NOS3: variants seen among roughly 807,000 people sequenced by gnomAD.
The protein encoded by NOS3 is NOS type III.
A neutral mutation model predicts 144.9 loss-of-function variants in NOS3; 98 were observed. The observed-to-expected ratio is 0.68, with a 90% CI of 0.57 to 0.80. NOS3 has a LOEUF of 0.80. Among genes scored for constraint, NOS3 ranks in the 30% least tolerant of loss-of-function variants. The pLI is 0.00. For missense variants in NOS3, 1,465 were observed against 1,656.4 expected (o/e 0.88, Z 2.01); for synonymous variants, 714 against 702.4 (o/e 1.02, Z -0.26).
chr7:150,997,583 C>G lies in NOS3; in HGVS notation c.582+658C>G, dbSNP rs369951561. On this transcript the variant is annotated intron_variant, in intron 5 of 26. Coordinates refer to ENST00000297494, the MANE Select transcript of NOS3 (RefSeq NM_000603.5). ...AGCTGCCCCATGGGGGACTTGGTCC[C>G]ATGGCCTTGGCCTCCTTCACCATCA... is the stretch of plus-strand genomic sequence containing the variant. Among the ~76,000 whole-genome samples the G allele has an allele frequency of 8.3e-4, 126 of 152,344 alleles. 3 individuals carry two copies. The South Asian group carries it at 0.024, about 30-fold the overall frequency.
rs2117134857 is a variant in NOS3, at chr7:151,010,900, T to C, written c.2898T>C (p.Asp966=). ...CCGGCCTCTCCTTCCCACCCCCAGA[T>C]GGGCTGGGCCCCCTGCACTATGGAG... The part of the protein sequence containing the change: ...TVAVLAYRTQ[D]GLGPLHYGVC... Residue 966 remains aspartate (D), a splice_region_variant and synonymous_variant, in exon 23 of 27, where the codon GAT becomes GAC. Coordinates refer to ENST00000297494, the MANE Select transcript of NOS3 (RefSeq NM_000603.5). The C allele has an allele frequency of 1.2e-6, 2 of 1,613,240 alleles. No individual in the cohort carries two copies. The highest frequency in any genetic ancestry group is 4.5e-5 in the East Asian group (2 of 44,872).
chr7:151,012,922 G>C, intron 24 of NOS3: 1 of 423,656 alleles, frequency 2.4e-6, no homozygotes, highest in Non-Finnish European at 4.2e-6. Context: ...TATGAAGTGG[G>C]AGCGGGGAAG....
rs774879688 is a variant in NOS3 at position 151,012,390 on chromosome 7, C to G, written c.3024C>G (p.Pro1008=). Residue 1008 remains proline, a synonymous_variant, in exon 24 of 27, where the codon CCC becomes CCG. Coordinates refer to ENST00000297494, the MANE Select transcript of NOS3 (RefSeq NM_000603.5). ...SFRLPPDPSL[P]CILVGPGTGI... ...GGCTGCCACCCGATCCCAGCTTGCC[C>G]TGCATCCTGGTGGGTCCAGGCACTG... 6.3e-7 allele frequency: 1 copy of G among 1,595,486 alleles called. No individual in the cohort carries two copies. The highest frequency in any genetic ancestry group is 8.5e-7 in the Non-Finnish European group (1 of 1,171,798).
intron 24 of NOS3, 75 bp downstream of exon 24, chr7:151,012,547 G>C: frequency 3.3e-6 from 5 of 1,516,940 alleles, no homozygotes; most frequent in Non-Finnish European, 2.7e-6. Context: ...CTGGAAGGCA[G>C]GAAATAGGAA....
intron 14 of NOS3, among the ~76,000 whole-genome samples, chr7:151,004,888 C>G (rs1302845427): frequency 6.6e-6 from 1 of 152,134 alleles, no homozygotes; most frequent in South Asian, 2.1e-4. Context: ...GCTGGAGTCT[C>G]ACTCTGTTGC....
At position 150,993,764 on chromosome 7, in the gene NOS3, G is replaced by A; in HGVS notation, c.-40G>A. Reference sequence around the variant, plus strand: ...TCCCTCTTCCTAAGGAAAAGGCCAGGGCTCTGCTGGAGCAGGCAGCAGAGT... The same window carrying A: ...TCCCTCTTCCTAAGGAAAAGGCCAGAGCTCTGCTGGAGCAGGCAGCAGAGT... On this transcript the variant is annotated 5_prime_UTR_variant, in exon 2 of 27. Transcript: ENST00000297494. This position sits in a 1 kb window ranked among gnomAD's most constrained non-coding sequence, Gnocchi z 4.0. The A allele has an allele frequency of 6.4e-7, 1 of 1,566,874 alleles. No individual in the cohort carries two copies. Among genetic ancestry groups the A allele is most frequent in the Admixed American group, 2.1e-5 (1 of 46,672 alleles).
Position 151,013,773 on chromosome 7 carries a change from G to T in NOS3, c.3305G>T (p.Arg1102Leu). 6.2e-7 allele frequency: 1 copy of T among 1,611,514 alleles called. No individual in the cohort carries two copies. Among genetic ancestry groups the T allele is most frequent in the East Asian group, 2.2e-5 (1 of 44,762 alleles). ...ACGGAGCTGGCTGCGGAGGTGCACC[G>T]CGTGCTGTGCCTCGAGCGGGGCCAC... Reference protein sequence around the residue: ...LRTELAAEVHRVLCLERGHMF... With the variant: ...LRTELAAEVHLVLCLERGHMF... Residue 1102 changes from arginine (R) to leucine (L), a missense_variant, in exon 26 of 27, where the codon CGC (arginine) becomes CTC (leucine). Physicochemically the swap from Arg to Leu is moderately radical, Grantham distance 102. Coordinates refer to ENST00000297494, the MANE Select transcript of NOS3 (RefSeq NM_000603.5).
In NOS3 at chr7:150,999,227, G is replaced by A. The variant is rs749115207; in HGVS notation, c.994G>A (p.Ala332Thr). Residue 332 changes from alanine to threonine, a missense_variant, in exon 9 of 27, where the codon GCC becomes ACC. Transcript: ENST00000297494. ...TGCAGCCCTGGGCCTGCGCTGGTAC[G>A]CCCTCCCGGCAGTGTCCAACATGCT... ...WFAALGLRWY[A>T]LPAVSNMLLE... is the part of the protein sequence containing the mutation. The A allele has an allele frequency of 1.2e-5, 19 of 1,611,142 alleles. 1 individual carries two copies. Among genetic ancestry groups the A allele is most frequent in the South Asian group, 4.4e-5 (4 of 90,980 alleles).
At chr7:151,012,993 T>C in intron 24 of NOS3, 1 of 544,434 alleles carries the variant, frequency 1.8e-6, no homozygotes, top group Non-Finnish European at 3.2e-6. Context: ...CCGCGCATTC[T>C]AGCGCAGCTC....
At chr7:151,007,449 G>T in intron 17 of NOS3, among the ~76,000 whole-genome samples, 173 bp downstream of exon 17, 1 of 152,218 alleles carries the variant, frequency 6.6e-6, no homozygotes, top group East Asian at 1.9e-4. Context: ...GGATGACATG[G>T]CCCTGCCGAC....
Position 151,013,625 on chromosome 7 carries a change from C to A in NOS3, c.3256-99C>A. 4.9e-6 allele frequency: 6 copies of A among 1,223,692 alleles called. No individual in the cohort carries two copies. In the South Asian group the frequency reaches 7.5e-5, roughly 15 times the overall value. The allele number at this position is 1,223,692 out of a possible 1,614,324, so 75.8% of individuals were successfully genotyped here. On this transcript the variant is annotated intron_variant, in intron 25 of 26. Coordinates refer to ENST00000297494, the MANE Select transcript of NOS3 (RefSeq NM_000603.5). ...CAGGGCACGCAGGCCCCACCAGGCC[C>A]GCTCCGGAGACTTTCACGTCCAGGG... is the stretch of plus-strand genomic sequence containing the variant.
rs200161933 is a variant in NOS3, at chr7:150,998,627, C to G, written c.763C>G (p.Arg255Gly). 3.1e-6 allele frequency: 5 copies of G among 1,609,212 alleles called. No homozygotes were observed. The highest frequency in any genetic ancestry group is 1.1e-5 in the South Asian group (1 of 90,376). Reference sequence around the variant, plus strand: ...CCAGCTGGTGCGCTACGCGGGCTACCGGCAGCAGGATGGCTCTGTGCGGGG... The same window carrying G: ...CCAGCTGGTGCGCTACGCGGGCTACGGGCAGCAGGATGGCTCTGTGCGGGG... ...NSQLVRYAGY[R>G]QQDGSVRGDP... Residue 255 changes from arginine to glycine, a missense_variant, in exon 7 of 27, where the codon CGG becomes GGG. Physicochemically the swap from Arg to Gly is moderately radical, Grantham distance 125. Coordinates refer to ENST00000297494, the MANE Select transcript of NOS3 (RefSeq NM_000603.5). The surrounding 1 kb of genome is among the most constrained non-coding windows in gnomAD (Gnocchi z 5.0).
intron 14 of NOS3, 58 bp from the exon 15 acceptor site, chr7:151,006,369 T>C (rs1266968140): frequency 2.4e-6 from 3 of 1,233,896 alleles, no homozygotes; most frequent in Non-Finnish European, 3.6e-6. Context: ...AGTTTTAAAC[T>C]TCTATGTAGT....
rs781177134 is a variant in NOS3 at position 150,995,228 on chromosome 7, C to A, written c.184C>A (p.Pro62Thr). The A allele has an allele frequency of 8.1e-6, 13 of 1,609,752 alleles. No homozygotes were observed. The East Asian group carries it at 2.5e-4, about 30-fold the overall frequency. The change falls in exon 3 of 27, where the codon CCC (proline) becomes ACC (threonine). Residue 62 changes from proline (P) to threonine (T), a missense_variant. Physicochemically the swap from Pro to Thr is conservative, Grantham distance 38 (BLOSUM62 -1). Coordinates refer to ENST00000297494, the MANE Select transcript of NOS3 (RefSeq NM_000603.5). ...CCCCCCGAGCTCCCCGCTAACCCAG[C>A]CCCCAGAGGGGCCCAAGTTCCCTCG... ...HSPPSSPLTQ[P>T]PEGPKFPRVK...
At chr7:150,991,825 G>C (rs1413501630) in intron 1 of NOS3, among the ~76,000 whole-genome samples, 1 of 152,110 alleles carries the variant, frequency 6.6e-6, no homozygotes, top group African/African-American at 2.4e-5. Flanking sequence ...GTGAAACCCT[G>C]TCTCTAATAA....
chr7:151,010,612 G>A lies in NOS3; in HGVS notation c.2701G>A (p.Glu901Lys). ...EALSQDPRRY[E>K]EWKWFRCPTL... ...GCCCCGCCAGGATCCCCGACGCTAC[G>A]AGGAGTGGAAGTGGTTCCGCTGCCC... Residue 901 changes from glutamate (E) to lysine (K), a missense_variant, in exon 22 of 27, where the codon GAG becomes AAG. Around this residue, in one of 5 missense-constraint regions of NOS3, gnomAD observed 745 missense variants for 853.9 expected, o/e 0.87. Coordinates refer to ENST00000297494, the MANE Select transcript of NOS3 (RefSeq NM_000603.5). The A allele has an allele frequency of 6.3e-7, 1 of 1,595,934 alleles. No homozygotes were observed. The highest frequency in any genetic ancestry group is 8.5e-7 in the Non-Finnish European group (1 of 1,170,740).
Position 151,003,298 on chromosome 7 carries a change from G to T in NOS3, c.1752+994G>T, listed in dbSNP as rs1194489656. 3.7e-6 allele frequency: 2 copies of T among 545,984 alleles called. No individual in the cohort carries two copies. Among genetic ancestry groups the T allele is most frequent in the Non-Finnish European group, 6.4e-6 (2 of 313,416 alleles). The allele number at this position is 545,984 out of a possible 1,614,324, so 33.8% of individuals were successfully genotyped here. A position where few individuals can be genotyped will look rare whatever the true frequency, so the allele number is the denominator to read the frequency against. The stretch of plus-strand genomic sequence containing the variant: ...ATGCCATGATGCCTAGCTAATTTTT[G>T]TATTTTTTATAGAGATGGGGTTTCG... On this transcript the variant is annotated intron_variant, in intron 14 of 26. Coordinates refer to ENST00000297494, the MANE Select transcript of NOS3 (RefSeq NM_000603.5). This position sits in a 1 kb window ranked among gnomAD's most constrained non-coding sequence, Gnocchi z 4.1.
At chr7:151,007,350 C>T in intron 17 of NOS3, 74 bp downstream of exon 17, 1 of 1,444,160 alleles carries the variant, frequency 6.9e-7, no homozygotes, top group Non-Finnish European at 9.2e-7. Flanking sequence ...TGCCCTGATT[C>T]TGTTTGGTTC....
chr7:151,010,444 T>C, intron 21 of NOS3, 153 bp from the exon 22 acceptor site: 12 of 1,060,968 alleles, frequency 1.1e-5, no homozygotes, highest in Non-Finnish European at 1.6e-5. Context: ...AGGGAGGAAT[T>C]CATGGCTGGA....
Sources: allele counts gnomAD v4.1 joint callset (sites outside exome capture counted in the v4.1 genomes callset), GRCh38; gene constraint gnomAD v4.1.1; regional missense constraint gnomAD v4.1.1; non-coding constraint Gnocchi (gnomAD v3.1); transcripts MANE v1.5; gene names NCBI Gene and HGNC (gene_info 2026-07-23, HGNC 2026-07-21).